GPR137C: variants seen among roughly 807,000 people sequenced by gnomAD.
GPR137C encodes the protein integral membrane protein GPR137C.
Under a neutral mutation model 43.4 loss-of-function variants are expected in GPR137C, and 27 were observed. The observed-to-expected ratio is 0.62, with a 90% CI of 0.46 to 0.86. The LOEUF (loss-of-function observed/expected upper bound fraction) is 0.86. Ranked by LOEUF, GPR137C falls within the 40% of genes least tolerant of loss-of-function variation. The pLI is 0.00. For synonymous variants in GPR137C, 285 were observed against 226.9 expected (o/e 1.26, Z -2.30); for missense variants, 522 against 534.6 (o/e 0.98, Z 0.23).
At chr14:52,554,445 G>A (rs1276674275) in intron 1 of GPR137C, among the ~76,000 whole-genome samples, 2 of 152,084 alleles carry the variant, frequency 1.3e-5, no homozygotes, top group Non-Finnish European at 2.9e-5. Context: ...GTTCTGCAGC[G>A]CTTAGGTATT....
chr14:52,553,209 C>A lies in GPR137C; in HGVS notation c.62C>A (p.Ser21Tyr). Reference sequence around the variant, plus strand: ...GCCCCCGCAGCCGGCCGCGAGCCCTCCACGCCCGGCGGGGGCAGCGGAGGC... The same window carrying A: ...GCCCCCGCAGCCGGCCGCGAGCCCTACACGCCCGGCGGGGGCAGCGGAGGC... ...AAAPAAGREPSTPGGGSGGGG... is the reference protein window; with the variant it reads ...AAAPAAGREPYTPGGGSGGGG... Residue 21 changes from serine (S) to tyrosine (Y), a missense_variant, in exon 1 of 7, where the codon TCC becomes TAC. Ser to Tyr is a moderately radical substitution (Grantham distance 144). Transcript: ENST00000321662. 7.9e-7 allele frequency: 1 copy of A among 1,260,686 alleles called. No homozygotes were observed. Among genetic ancestry groups the A allele is most frequent in the Non-Finnish European group, 1.0e-6 (1 of 1,003,894 alleles). The allele number at this position is 1,260,686 out of a possible 1,614,324, so 78.1% of individuals were successfully genotyped here.
intron 1 of GPR137C, among the ~76,000 whole-genome samples, chr14:52,559,865 T>C (rs1206863670): frequency 6.6e-6 from 1 of 152,088 alleles, no homozygotes; most frequent in Non-Finnish European, 1.5e-5. Flanking sequence ...AAATGAAATA[T>C]AAAAATTCCA....
intron 3 of GPR137C, chr14:52,612,156 A>G (rs2039045186): frequency 1.0e-6 from 1 of 983,616 alleles, no homozygotes; most frequent in Non-Finnish European, 1.2e-6. Context: ...CTGATTATTA[A>G]AACTTGGCAA....
intron 1 of GPR137C, among the ~76,000 whole-genome samples, chr14:52,554,136 A>C (rs2038151767): frequency 6.6e-6 from 1 of 152,158 alleles, no homozygotes; most frequent in Non-Finnish European, 1.5e-5. Context: ...GCCTCACATA[A>C]ATTTCGTTCG....
rs149004359 is a variant in GPR137C at position 52,598,305 on chromosome 14, G to C, written c.478G>C (p.Asp160His). The change falls in exon 2 of 7, where the codon GAC becomes CAC. Residue 160 changes from aspartate to histidine, a missense_variant. Asp to His is a moderately conservative substitution (Grantham distance 81). This residue lies in a region of GPR137C where 437 missense variants were observed against 425.7 expected (regional missense o/e 1.03). Transcript: ENST00000321662. ...ICKVRCATEL[D>H]RHKILLHLGF... ...TAAAGTCAGATGTGCCACTGAACTTGACAGACACAAGTAAGTTTTATGAGT... is the reference window on the plus strand; with the variant it reads ...TAAAGTCAGATGTGCCACTGAACTTCACAGACACAAGTAAGTTTTATGAGT... The C allele has an allele frequency of 1.1e-4, 147 of 1,391,024 alleles. No homozygotes were observed. The East Asian group carries it at 3.6e-3, about 34-fold the overall frequency. 86.2% of individuals were successfully genotyped at this position (1,391,024 alleles called of 1,614,324 possible).
intron 4 of GPR137C, among the ~76,000 whole-genome samples, chr14:52,632,860 C>A (rs1165096508): frequency 2.6e-5 from 4 of 151,996 alleles, no homozygotes; most frequent in African/African-American, 9.7e-5. Flanking sequence ...TATTTAACTT[C>A]CTAGCATTCC....
chr14:52,557,400 A>G lies in GPR137C; in HGVS notation c.444+3809A>G, dbSNP rs574473704. 2.6e-5 allele frequency among the ~76,000 whole-genome samples: 4 copies of G among 152,340 alleles called. No homozygotes were observed. The South Asian group carries it at 8.3e-4, about 32-fold the overall frequency. ...AATGAAACTTTTTATATCATGGCAA[A>G]TGGCCCATACTAATTAAGGCTTTGC... On this transcript the variant is annotated intron_variant, in intron 1 of 6. Coordinates refer to ENST00000321662, the MANE Select transcript of GPR137C (RefSeq NM_001099652.2).
intron 1 of GPR137C, among the ~76,000 whole-genome samples, chr14:52,583,299 A>G (rs1311385509): frequency 6.6e-6 from 1 of 152,226 alleles, no homozygotes; most frequent in Non-Finnish European, 1.5e-5. Context: ...ACTCATGATC[A>G]TGTCCTGTTA....
At chr14:52,614,222 T>C (rs2139556367) in intron 3 of GPR137C, among the ~76,000 whole-genome samples, 2 of 148,424 alleles carry the variant, frequency 1.3e-5, no homozygotes, top group Middle Eastern at 3.7e-3. Flanking sequence ...CTGGGCTCAA[T>C]CAGTCCTCCC....
At position 52,586,069 on chromosome 14, in the gene GPR137C, G is replaced by A. The variant is rs76803527; in HGVS notation, c.445-12203G>A. On this transcript the variant is annotated intron_variant, in intron 1 of 6. Transcript: ENST00000321662. ...GACAGAGATAGACATTTATTCTAGA[G>A]TGTAAGCAAATCTTCACCAGGGAGA... 0.014 allele frequency among the ~76,000 whole-genome samples: 2,122 copies of A among 152,292 alleles called. 105 individuals are homozygous for A. The East Asian group carries it at 0.16, about 12-fold the overall frequency.
At chr14:52,616,026 A>AT (rs2039094800) in intron 3 of GPR137C, among the ~76,000 whole-genome samples, 1 of 152,150 alleles carries the variant, frequency 6.6e-6, no homozygotes, top group Non-Finnish European at 1.5e-5. Flanking sequence ...CATTTAATTC[A>AT]TTTTTTGTAA....
chr14:52,580,397 C>A (rs1032872335), intron 1 of GPR137C, among the ~76,000 whole-genome samples: 1 of 152,150 alleles, frequency 6.6e-6, no homozygotes, highest in Admixed American at 6.5e-5. Context: ...GAGTCTCACC[C>A]TGTAGCCCAA....
At chr14:52,561,884 TTTGA>T (rs1382483875) in intron 1 of GPR137C, among the ~76,000 whole-genome samples, 1 of 152,146 alleles carries the variant, frequency 6.6e-6, no homozygotes, top group East Asian at 1.9e-4. Context: ...ATACTCTGTA[TTTGA>T]TTGTGATAGT....
chr14:52,594,760 A>G (rs1406752771), intron 1 of GPR137C, among the ~76,000 whole-genome samples: 1 of 151,172 alleles, frequency 6.6e-6, no homozygotes, highest in African/African-American at 2.4e-5. Flanking sequence ...ATGGGTCTTG[A>G]CTCTTTATCC....
At chr14:52,613,414 T>G (rs1338201173) in intron 3 of GPR137C, 1 of 152,396 alleles carries the variant, frequency 6.6e-6, no homozygotes, top group Non-Finnish European at 1.5e-5. Flanking sequence ...TTATCCATAG[T>G]CACCCTGTTG....
chr14:52,573,414 C>T (rs114395431), intron 1 of GPR137C, among the ~76,000 whole-genome samples: 14,262 of 152,082 alleles, frequency 0.094, 714 homozygotes, highest in South Asian at 0.15. Flanking sequence ...TCAGAAATAA[C>T]GACACATGTC....
intron 1 of GPR137C, among the ~76,000 whole-genome samples, chr14:52,575,599 G>A (rs540504001): frequency 1.3e-5 from 2 of 152,098 alleles, no homozygotes; most frequent in Non-Finnish European, 2.9e-5. Context: ...TAGTTGCTGT[G>A]ACATATAGGT....
At chr14:52,598,420 C>T (rs1049989919) in intron 2 of GPR137C, 105 bp downstream of exon 2, 3 of 478,854 alleles carry the variant, frequency 6.3e-6, no homozygotes, top group Admixed American at 8.0e-5. Flanking sequence ...TAATAGTAGA[C>T]TTCTCGTGGT....
chr14:52,618,849 A>G (rs1291380592), intron 3 of GPR137C, among the ~76,000 whole-genome samples: 2 of 152,096 alleles, frequency 1.3e-5, no homozygotes, highest in African/African-American at 4.8e-5. Context: ...GCAAGTTGGG[A>G]TTCTTTGTCT....
Sources: gnomAD v4.1 joint callset for allele counts (sites outside exome capture counted in the v4.1 genomes callset) on GRCh38, gnomAD v4.1.1 for gene constraint, gnomAD v4.1.1 regional missense constraint, MANE v1.5 for transcripts, NCBI Gene and HGNC (gene_info 2026-07-23, HGNC 2026-07-21) for gene names.